Variants in HORMAD2 observed in about 807,000 individuals in gnomAD.
HORMAD2 encodes HORMA domain-containing protein 2.
A neutral mutation model predicts 38.8 loss-of-function variants in HORMAD2; 45 were observed. The ratio of observed to expected loss-of-function variants is 1.16; its 90% CI spans 0.91 to 1.49. The LOEUF (loss-of-function observed/expected upper bound fraction) is 1.49. HORMAD2 is among the 40% of genes most tolerant of loss of function. The pLI, the probability that HORMAD2 is intolerant of heterozygous loss-of-function variation, is 0.00. For synonymous variants in HORMAD2, 126 were observed against 122.8 expected, an observed-to-expected ratio of 1.03 and a Z score of -0.17; for missense variants, 338 against 367.0, an observed-to-expected ratio of 0.92 and a Z score of 0.65.
chr22:30,116,605 A>G (rs1206094271), intron 7 of HORMAD2, among the ~76,000 whole-genome samples: 2 of 152,190 alleles, frequency 1.3e-5, no homozygotes, highest in African/African-American at 4.8e-5. Context: ...TTAGTCTGAA[A>G]AGTGTTATAT....
intron 10 of HORMAD2, among the ~76,000 whole-genome samples, chr22:30,136,348 T>A (rs1923651862): frequency 6.6e-6 from 1 of 152,178 alleles, no homozygotes; most frequent in Non-Finnish European, 1.5e-5. Context: ...AATGTACAAC[T>A]TAATGGTTTT....
chr22:30,137,136 AT>A, intron 10 of HORMAD2: 2 of 441,858 alleles, frequency 4.5e-6, no homozygotes, highest in South Asian at 2.3e-5. Context: ...CATGGAACAC[AT>A]TTTGTCACAG....
intron 8 of HORMAD2, among the ~76,000 whole-genome samples, chr22:30,121,417 T>C (rs1234945283): frequency 6.6e-6 from 1 of 152,228 alleles, no homozygotes; most frequent in Non-Finnish European, 1.5e-5. Context: ...AAAAAGATCG[T>C]ATTTTAAATG....
intron 10 of HORMAD2, among the ~76,000 whole-genome samples, chr22:30,141,977 C>T (rs548538262): frequency 3.9e-5 from 6 of 152,074 alleles, no homozygotes; most frequent in Admixed American, 2.0e-4. Context: ...GGGCTGGGTG[C>T]GATAGCTCTT....
intron 10 of HORMAD2, among the ~76,000 whole-genome samples, chr22:30,122,443 T>C (rs1922528341): frequency 6.6e-6 from 1 of 152,202 alleles, no homozygotes; most frequent in African/African-American, 2.4e-5. Flanking sequence ...TTCTAATATA[T>C]TTATTTTATT....
chr22:30,183,847 T>C, the HORMAD2 span, among the ~76,000 whole-genome samples: 1 of 152,196 alleles, frequency 6.6e-6, no homozygotes, highest in African/African-American at 2.4e-5. Context: ...AACTTGTCAG[T>C]TAAAAGAAAG....
At chr22:30,130,586 CTT>C (rs66636269) in intron 10 of HORMAD2, among the ~76,000 whole-genome samples, 313 of 87,884 alleles carry the variant, frequency 3.6e-3, no homozygotes, top group African/African-American at 0.01. Context: ...CTTTTCTTTT[CTT>C]TTTTTTTTTT....
intron 1 of HORMAD2, among the ~76,000 whole-genome samples, chr22:30,083,350 A>G (rs2068517361): frequency 6.6e-6 from 1 of 152,194 alleles, no homozygotes. Context: ...TATATAAGAG[A>G]ATGACATTGC....
At chr22:30,087,402 A>T (rs1307174823) in intron 1 of HORMAD2, among the ~76,000 whole-genome samples, 1 of 152,208 alleles carries the variant, frequency 6.6e-6, no homozygotes, top group Non-Finnish European at 1.5e-5. Context: ...TGGGTTGGGG[A>T]TATACACATA....
At chr22:30,151,101 G>A (rs1187110916) in intron 10 of HORMAD2, among the ~76,000 whole-genome samples, 1 of 152,056 alleles carries the variant, frequency 6.6e-6, no homozygotes, top group Non-Finnish European at 1.5e-5. Context: ...CATTTGACTG[G>A]TCCTCGGTTT....
chr22:30,085,440 C>T (rs9625914), intron 1 of HORMAD2, among the ~76,000 whole-genome samples: 15,195 of 152,082 alleles, frequency 0.1, 780 homozygotes, highest in Middle Eastern at 0.14. Context: ...TACTAAAACC[C>T]ACTGAATTAT....
chr22:30,168,692 C>T (rs1401621478), intron 10 of HORMAD2, among the ~76,000 whole-genome samples: 1 of 152,136 alleles, frequency 6.6e-6, no homozygotes, highest in Non-Finnish European at 1.5e-5. Flanking sequence ...TGGTAGGGCT[C>T]AGGTTCAGGC....
At chr22:30,126,418 C>T (rs993867403) in intron 10 of HORMAD2, among the ~76,000 whole-genome samples, 3 of 152,098 alleles carry the variant, frequency 2.0e-5, no homozygotes, top group African/African-American at 4.8e-5. Flanking sequence ...CAGCCCGCCT[C>T]GGCCTGCCAA....
chr22:30,112,408 A>G, intron 6 of HORMAD2, 88 bp from the exon 7 acceptor site: 1 of 677,876 alleles, frequency 1.5e-6, no homozygotes, highest in Admixed American at 3.2e-5. Flanking sequence ...AATAGAACAC[A>G]AATTGAACTC....
At chr22:30,092,938 T>C (rs1034182410) in intron 1 of HORMAD2, among the ~76,000 whole-genome samples, 5 of 152,224 alleles carry the variant, frequency 3.3e-5, no homozygotes, top group Admixed American at 3.3e-4. Flanking sequence ...TCCAACTTTG[T>C]TCTTTTTGCT....
intron 1 of HORMAD2, among the ~76,000 whole-genome samples, chr22:30,091,954 G>A (rs1044853164): frequency 6.6e-6 from 1 of 151,888 alleles, no homozygotes; most frequent in Admixed American, 6.6e-5. Flanking sequence ...TTGGCTAACT[G>A]CAACCTCCAC....
At chr22:30,160,112 G>T (rs2214047) in intron 10 of HORMAD2, among the ~76,000 whole-genome samples, 22,300 of 151,704 alleles carry the variant, frequency 0.15, 3,438 homozygotes, top group African/African-American at 0.38. Context: ...AGAGTTTGTT[G>T]TTTACATATC....
intron 10 of HORMAD2, among the ~76,000 whole-genome samples, chr22:30,124,220 A>G (rs533599691): frequency 3.9e-4 from 58 of 150,312 alleles, no homozygotes; most frequent in Non-Finnish European, 6.9e-4. Context: ...TTTCCCACTA[A>G]GGATTCCTTT....
At chr22:30,189,530 G>T in the HORMAD2 span, among the ~76,000 whole-genome samples, 2 of 151,936 alleles carry the variant, frequency 1.3e-5, no homozygotes, top group Non-Finnish European at 2.9e-5. Context: ...GGATGGGTGG[G>T]TAGTGACTAT....
Sources: allele counts gnomAD v4.1 joint callset (sites outside exome capture counted in the v4.1 genomes callset), GRCh38; gene constraint gnomAD v4.1.1; transcripts MANE v1.5; gene names NCBI Gene and HGNC (gene_info 2026-07-23, HGNC 2026-07-21).